Variants in ZPBP observed in about 807,000 individuals in gnomAD.
The protein encoded by ZPBP is zona pellucida-binding protein 1.
A neutral mutation model predicts 44.8 loss-of-function variants in ZPBP; 26 were observed. That is an observed-to-expected ratio of 0.58 (90% CI 0.43 to 0.81). ZPBP has a LOEUF of 0.81. Ranked by LOEUF, ZPBP falls within the 30% of genes least tolerant of loss-of-function variation. The pLI is 0.00. For missense variants in ZPBP, 409 were observed against 434.0 expected (o/e 0.94, Z 0.51); for synonymous variants, 174 against 153.2 (o/e 1.14, Z -1.00).
chr7:49,955,165 T>C (rs986652597), intron 7 of ZPBP, among the ~76,000 whole-genome samples: 4 of 152,126 alleles, frequency 2.6e-5, no homozygotes, highest in African/African-American at 7.2e-5. Context: ...TAGTGGGCTA[T>C]AGATAAAGCA....
At chr7:50,061,865 G>A (rs900043158) in intron 3 of ZPBP, among the ~76,000 whole-genome samples, 3 of 152,218 alleles carry the variant, frequency 2.0e-5, no homozygotes, top group Non-Finnish European at 4.4e-5. Flanking sequence ...CTGCACTCCA[G>A]CCTGGGCGAC....
intron 3 of ZPBP, among the ~76,000 whole-genome samples, chr7:50,080,106 A>C (rs1802286696): frequency 6.6e-6 from 1 of 151,716 alleles, no homozygotes; most frequent in South Asian, 2.1e-4. Flanking sequence ...TATCTTTGAG[A>C]TATCCATAAA....
At chr7:49,896,716 C>G (rs945891717) in intron 2 of ZPBP, among the ~76,000 whole-genome samples, 2 of 151,808 alleles carry the variant, frequency 1.3e-5, no homozygotes, top group Non-Finnish European at 2.9e-5. Context: ...GATTACAGGT[C>G]CAACAGACAT....
the ZPBP span, among the ~76,000 whole-genome samples, chr7:49,841,838 T>C: frequency 1.3e-5 from 2 of 152,158 alleles, no homozygotes; most frequent in African/African-American, 4.8e-5. Context: ...TGATAGAAAA[T>C]AACTCCTAGG....
chr7:50,082,216 C>G (rs1430991650), intron 2 of ZPBP, among the ~76,000 whole-genome samples: 5 of 151,508 alleles, frequency 3.3e-5, no homozygotes, highest in Admixed American at 2.0e-4. Context: ...ATTTCAATAA[C>G]AAAGTATTAA....
intron 3 of ZPBP, among the ~76,000 whole-genome samples, chr7:50,060,968 C>A (rs758942772): frequency 6.6e-6 from 1 of 152,200 alleles, no homozygotes; most frequent in African/African-American, 2.4e-5. Flanking sequence ...TCATCACAAT[C>A]AAGTAGGGTT....
chr7:49,906,405 A>C (rs1012178249), intron 1 of ZPBP, among the ~76,000 whole-genome samples: 1 of 151,938 alleles, frequency 6.6e-6, no homozygotes, highest in South Asian at 2.1e-4. Flanking sequence ...CGGCGACCTC[A>C]GCTCACTGCA....
At chr7:49,849,763 TGA>T (rs1175544931), downstream of ZPBP, among the ~76,000 whole-genome samples, 1 of 152,204 alleles carries the variant, frequency 6.6e-6, no homozygotes, top group Non-Finnish European at 1.5e-5. Flanking sequence ...TTCTGCTCTC[TGA>T]GAGTCTGACT....
At chr7:49,842,436 T>C in the ZPBP span, among the ~76,000 whole-genome samples, 1 of 152,200 alleles carries the variant, frequency 6.6e-6, no homozygotes, top group Admixed American at 6.5e-5. Context: ...CTGAAGTCAG[T>C]ATAGGGGAGA....
chr7:50,081,698 G>A, intron 3 of ZPBP, 76 bp downstream of exon 3: 2 of 1,515,484 alleles, frequency 1.3e-6, no homozygotes, highest in Non-Finnish European at 1.8e-6. Context: ...ATATGTATGA[G>A]ATACAAACAT....
In ZPBP at chr7:49,873,075, T is replaced by C. The variant is rs2128724015; in HGVS notation, n.510-22561A>G. ...ATGAAGAAAAAATGTTCAACCTTAG[T>C]AGTTTTCAGGGAACTGCAAAACAAT... On this transcript the variant is annotated intron_variant and non_coding_transcript_variant, in intron 2 of 2. Coordinates refer to the ZPBP transcript ENST00000465922. Among the ~76,000 whole-genome samples, 3 of 152,222 alleles carry C rather than the reference T, an allele frequency of 2.0e-5. No individual in the cohort carries two copies. The South Asian group carries it at 6.2e-4, about 32-fold the overall frequency.
chr7:50,053,778 A>C (rs1584128715), intron 4 of ZPBP, among the ~76,000 whole-genome samples: 1 of 152,202 alleles, frequency 6.6e-6, no homozygotes. Context: ...TAAGTGTCTT[A>C]AGAAAATTTA....
At chr7:50,040,399 G>A (rs12718233) in intron 4 of ZPBP, among the ~76,000 whole-genome samples, 75,573 of 152,018 alleles carry the variant, frequency 0.5, 19,535 homozygotes, top group East Asian at 0.67. Context: ...GAATAGCTCC[G>A]GTCTGCAGTT....
chr7:50,085,885 T>A (rs1024121258), intron 2 of ZPBP, among the ~76,000 whole-genome samples: 1 of 152,152 alleles, frequency 6.6e-6, no homozygotes, highest in African/African-American at 2.4e-5. Flanking sequence ...ACTGTGTACA[T>A]GCCCAGAACA....
In ZPBP at chr7:50,031,295, T is replaced by C. The variant is rs760999474; in HGVS notation, c.503A>G (p.His168Arg). ...KYAIYAYREP[H>R]YYYQFTARYH... is the part of the protein sequence containing the mutation. ...TCGAGCTGTGAACTGATAATAATAA[T>C]GAGGCTCACGATAAGCTGTAAAAAA... Residue 168 changes from histidine (H) to arginine (R), a missense_variant, in exon 5 of 8, where the codon CAT (histidine) becomes CGT (arginine). By Grantham distance (29) the His-to-Arg change is conservative. Around this residue, in one of 2 missense-constraint regions of ZPBP, gnomAD observed 367 missense variants for 363.1 expected, o/e 1.01. Coordinates refer to ENST00000046087, the MANE Select transcript of ZPBP (RefSeq NM_007009.3). 1.2e-6 allele frequency: 2 copies of C among 1,610,356 alleles called. No individual in the cohort carries two copies. Among genetic ancestry groups the C allele is most frequent in the East Asian group, 2.2e-5 (1 of 44,736 alleles).
Position 50,003,026 on chromosome 7 carries a change from T to C in ZPBP, c.783+15214A>G, listed in dbSNP as rs187056279. On this transcript the variant is annotated intron_variant, in intron 6 of 7. Coordinates refer to ENST00000046087, the MANE Select transcript of ZPBP (RefSeq NM_007009.3). ...TCCAAAGCTAAAACAGAAATTATTC[T>C]ACAGACACAATTTGCTAATAATTCC... 2.8e-3 allele frequency among the ~76,000 whole-genome samples: 421 copies of C among 152,312 alleles called. 3 individuals carry two copies. The highest frequency in any genetic ancestry group is 9.4e-3 in the African/African-American group (390 of 41,580).
chr7:49,994,342 A>G (rs1797712030), intron 6 of ZPBP, among the ~76,000 whole-genome samples: 1 of 152,186 alleles, frequency 6.6e-6, no homozygotes, highest in Non-Finnish European at 1.5e-5. Flanking sequence ...AGAACTCGCC[A>G]TGAAGCCATA....
chr7:49,957,500 C>T (rs1795660620), intron 7 of ZPBP, among the ~76,000 whole-genome samples: 1 of 152,204 alleles, frequency 6.6e-6, no homozygotes, highest in African/African-American at 2.4e-5. Flanking sequence ...GCTCCTCAGT[C>T]ACCCAGGTGT....
intron 7 of ZPBP, among the ~76,000 whole-genome samples, chr7:49,948,750 C>G (rs1795208554): frequency 6.6e-6 from 1 of 152,074 alleles, no homozygotes. Flanking sequence ...AAATTGTGAG[C>G]CTTGTGCATT....
Sources: allele counts gnomAD v4.1 joint callset (sites outside exome capture counted in the v4.1 genomes callset), GRCh38; gene constraint gnomAD v4.1.1; regional missense constraint gnomAD v4.1.1; transcripts MANE v1.5; gene names NCBI Gene and HGNC (gene_info 2026-07-23, HGNC 2026-07-21).